The following RTEL1 variants were observed in gnomAD, a reference collection of about 807,000 sequenced individuals.
The protein encoded by RTEL1 is regulator of telomere length.
In RTEL1, 86 loss-of-function variants were observed where a neutral mutation model predicts 162.2. That is an observed-to-expected ratio of 0.53 (90% confidence interval 0.45 to 0.63). RTEL1 has a LOEUF of 0.63. RTEL1 is among the 30% of genes least tolerant of loss of function. The pLI, the probability that RTEL1 is intolerant of heterozygous loss-of-function variation, is 0.00. For synonymous variants in RTEL1, 958 were observed against 717.9 expected (o/e 1.33, Z -5.35); for missense variants, 1,941 against 1,750.2 (o/e 1.11, Z -1.95).
At chr20:63,693,534 A>ACCTCCACCTCCACCT (rs1568720666) in intron 30 of RTEL1, among the ~76,000 whole-genome samples, 1 of 10,164 alleles carries the variant, frequency 9.8e-5, no homozygotes, top group Admixed American at 1.1e-3. Context: ...CACCTCCACC[A>ACCTCCACCTCCACCT]CCACCACCAC....
Position 63,672,605 on chromosome 20 carries a change from A to G in RTEL1, c.749A>G (p.Asp250Gly). 1.3e-6 allele frequency: 2 copies of G among 1,585,028 alleles called. No homozygotes were observed. The highest frequency in any genetic ancestry group is 1.7e-6 in the Non-Finnish European group (2 of 1,163,350). Residue 250 changes from aspartate (D) to glycine (G), a missense_variant, in exon 9 of 35, where the codon GAC becomes GGC. By Grantham distance (94) the Asp-to-Gly change is moderately conservative. Coordinates refer to ENST00000360203, the MANE Select transcript of RTEL1 (RefSeq NM_001283009.2). The stretch of plus-strand genomic sequence containing the variant: ...CTGAAGGGGACAGTCGTGATCTTTG[A>G]CGAAGCTCACAACGTGGTGAGTCTC... ...IDLKGTVVIF[D>G]EAHNVEKMCE...
intron 30 of RTEL1, among the ~76,000 whole-genome samples, chr20:63,693,985 C>T (rs75657018): frequency 1.2e-3 from 188 of 151,772 alleles, no homozygotes; most frequent in African/African-American, 4.4e-3. Flanking sequence ...GTCCAAGTCT[C>T]CAGAGGCGGA....
intron 8 of RTEL1, among the ~76,000 whole-genome samples, chr20:63,670,634 C>T (rs116738844): frequency 0.01 from 1,572 of 152,224 alleles, 19 homozygotes; most frequent in African/African-American, 0.036. Context: ...AGTTGTGTAG[C>T]CACTCCACAA....
At chr20:63,674,286 G>C (rs867416467) in intron 10 of RTEL1, among the ~76,000 whole-genome samples, 193 bp downstream of exon 10, 1 of 152,218 alleles carries the variant, frequency 6.6e-6, no homozygotes, top group Admixed American at 6.5e-5. Context: ...ATCTATTCAG[G>C]CTGGCACTGC....
intron 14 of RTEL1, among the ~76,000 whole-genome samples, chr20:63,684,212 C>T (rs1221844900): frequency 6.6e-6 from 1 of 152,166 alleles, no homozygotes; most frequent in Non-Finnish European, 1.5e-5. Context: ...CTTGATTTTT[C>T]CCAGCACGCC....
rs200599544 is a variant in RTEL1, at chr20:63,688,389, G to A, written c.1722+3G>A. 8.3e-5 allele frequency: 134 copies of A among 1,612,522 alleles called. No individual in the cohort carries two copies. In the East Asian group the frequency reaches 2.7e-3, roughly 33 times the overall value. ...AGAAGAGCCTGGAGTTCTGGCGGGTGCGTCTCCCCTGTGTTCTGGGCGGGG... is the reference window on the plus strand; with the variant it reads ...AGAAGAGCCTGGAGTTCTGGCGGGTACGTCTCCCCTGTGTTCTGGGCGGGG... On this transcript the variant is annotated splice_donor_region_variant and intron_variant, in intron 20 of 34. Transcript: ENST00000360203.
Position 63,684,545 on chromosome 20 carries a change from A to G in RTEL1, c.1192-978A>G, listed in dbSNP as rs544953026. Reference sequence around the variant, plus strand: ...ATTTTTTGTATTTTTAGTAGAGACGAGGTTTCACCGTGTTAGCCAGGATGG... The same window carrying G: ...ATTTTTTGTATTTTTAGTAGAGACGGGGTTTCACCGTGTTAGCCAGGATGG... On this transcript the variant is annotated intron_variant, in intron 14 of 34. Coordinates refer to ENST00000360203, the MANE Select transcript of RTEL1 (RefSeq NM_001283009.2). Among the ~76,000 whole-genome samples, 240 of 152,000 alleles carry G rather than the reference A, an allele frequency of 1.6e-3. 1 individual carries two copies. The highest frequency in any genetic ancestry group is 0.014 in the Middle Eastern group (4 of 294).
At chr20:63,689,029 C>A in intron 21 of RTEL1, 26 bp from the exon 22 acceptor site, 1 of 1,601,108 alleles carries the variant, frequency 6.2e-7, no homozygotes. Flanking sequence ...GGGCTCCAGG[C>A]TCAGCCTCAC....
Position 63,695,393 on chromosome 20 carries a change from C to G in RTEL1, c.3565C>G (p.Pro1189Ala). ...SKISSFLRQRPAGTVGAGGED... is the reference protein window; with the variant it reads ...SKISSFLRQRAAGTVGAGGED... ...GATCTCGTCCTTCCTTAGACAGAGG[C>G]CAGCAGGGACTGTGGGGGCGGGCGG... The change falls in exon 34 of 35, where the codon CCA (proline) becomes GCA (alanine). Residue 1189 changes from proline (P) to alanine (A), a missense_variant. By Grantham distance (27) the Pro-to-Ala change is conservative (BLOSUM62 -1). Transcript: ENST00000360203. 6.4e-7 allele frequency: 1 copy of G among 1,556,762 alleles called. No homozygotes were observed. The highest frequency in any genetic ancestry group is 8.7e-7 in the Non-Finnish European group (1 of 1,150,792).
rs183461089 is a variant in RTEL1 at position 63,690,967 on chromosome 20, G to A, written c.2556+20G>A. 97 of 1,543,088 alleles carry A rather than the reference G, an allele frequency of 6.3e-5. No individual in the cohort carries two copies. The African/African-American group carries it at 7.1e-4, about 11-fold the overall frequency. ...GAGCAGGTACAGTTCCAGGGCCTTG[G>A]GATGGACACAGACCCTCTGTCTCCT... is the stretch of plus-strand genomic sequence containing the variant. On this transcript the variant is annotated intron_variant, in intron 27 of 34. Coordinates refer to ENST00000360203, the MANE Select transcript of RTEL1 (RefSeq NM_001283009.2).
rs776497728 is a variant in RTEL1, at chr20:63,689,879, G to A, written c.2141+14G>A. The A allele has an allele frequency of 6.3e-6, 10 of 1,597,954 alleles. No homozygotes were observed. The highest frequency in any genetic ancestry group is 1.7e-5 in the Admixed American group (1 of 59,772). ...CTGTGACCACAGGTGCGTGCAGTCC[G>A]GTGGCAGGCGCGGCGCCAGGGGACA... On this transcript the variant is annotated intron_variant, in intron 24 of 34. Coordinates refer to ENST00000360203, the MANE Select transcript of RTEL1 (RefSeq NM_001283009.2).
chr20:63,689,977 C>T, intron 24 of RTEL1, 110 bp from the exon 25 acceptor site: 1 of 1,554,128 alleles, frequency 6.4e-7, no homozygotes, highest in Non-Finnish European at 8.7e-7. Context: ...GCCTCTCCGG[C>T]TACTCGGGGT....
chr20:63,668,017 C>G lies in RTEL1; in HGVS notation c.699+464C>G, dbSNP rs761004341. Among the ~76,000 whole-genome samples, 28 of 150,980 alleles carry G rather than the reference C, an allele frequency of 1.9e-4. No homozygotes were observed. Among genetic ancestry groups the G allele is most frequent in the Non-Finnish European group, 3.4e-4 (23 of 67,696 alleles). On this transcript the variant is annotated intron_variant, in intron 8 of 34. Coordinates refer to ENST00000360203, the MANE Select transcript of RTEL1 (RefSeq NM_001283009.2). The surrounding 1 kb of genome is among the most constrained non-coding windows in gnomAD (Gnocchi z 4.3). The stretch of plus-strand genomic sequence containing the variant: ...CATGCCCGGCCCCACACTCACTCCC[C>G]CCACAGCATGTGCCCGGCCTGACAC...
chr20:63,689,810 G>T lies in RTEL1; in HGVS notation c.2086G>T (p.Gly696Trp). The T allele has an allele frequency of 6.2e-7, 1 of 1,612,054 alleles. No individual in the cohort carries two copies. Among genetic ancestry groups the T allele is most frequent in the Admixed American group, 1.7e-5 (1 of 60,010 alleles). ...GTCCAGGGCTGTGAACCAGGCCATCGGGCGAGTGATCCGGCACCGCCAGGA... is the reference window on the plus strand; with the variant it reads ...GTCCAGGGCTGTGAACCAGGCCATCTGGCGAGTGATCCGGCACCGCCAGGA... Reference protein sequence around the residue: ...QASRAVNQAIGRVIRHRQDYG... With the variant: ...QASRAVNQAIWRVIRHRQDYG... Residue 696 changes from glycine to tryptophan, a missense_variant, in exon 24 of 35, where the codon GGG becomes TGG. Physicochemically the swap from Gly to Trp is radical, Grantham distance 184. Transcript: ENST00000360203.
chr20:63,695,520 C>T lies in RTEL1; in HGVS notation c.3692C>T (p.Thr1231Met), dbSNP rs144477693. The T allele has an allele frequency of 1.0e-3, 1,621 of 1,612,090 alleles. 13 individuals are homozygous for T. In the African/African-American group the frequency reaches 0.018, roughly 18 times the overall value. Residue 1231 changes from threonine to methionine, a missense_variant, in exon 34 of 35, where the codon ACG becomes ATG. By Grantham distance (81) the Thr-to-Met change is moderately conservative. Coordinates refer to ENST00000360203, the MANE Select transcript of RTEL1 (RefSeq NM_001283009.2). ...AGAGACATCGCTGGGCAGCAGGCCA[C>T]GGGAGCTCCGGGCGGGCCCCTCTCA... ...HGRDIAGQQA[T>M]GAPGGPLSAG...
chr20:63,676,565 G>A (rs1439060569), intron 10 of RTEL1, among the ~76,000 whole-genome samples: 1 of 152,168 alleles, frequency 6.6e-6, no homozygotes, highest in Non-Finnish European at 1.5e-5. Flanking sequence ...TAGTCAGTTA[G>A]CAGGAATAAC....
chr20:63,675,216 T>C (rs1339800502), intron 10 of RTEL1, among the ~76,000 whole-genome samples: 1 of 152,230 alleles, frequency 6.6e-6, no homozygotes, highest in Non-Finnish European at 1.5e-5. Flanking sequence ...TTGTCCATAT[T>C]TTCTACATGG....
At chr20:63,678,029 C>G in intron 10 of RTEL1, 116 bp from the exon 11 acceptor site, 1 of 1,181,912 alleles carries the variant, frequency 8.5e-7, no homozygotes, top group East Asian at 2.5e-5. Flanking sequence ...TTCTGTGTGG[C>G]CTCTTCCTTT....
intron 12 of RTEL1, 83 bp from the exon 13 acceptor site, chr20:63,679,766 G>C (rs1046573614): frequency 1.9e-6 from 2 of 1,067,022 alleles, no homozygotes; most frequent in African/African-American, 1.6e-5. Context: ...CCTCAGGCCC[G>C]AGCCTGCCTT....
Sources: allele counts gnomAD v4.1 joint callset (sites outside exome capture counted in the v4.1 genomes callset), GRCh38; gene constraint gnomAD v4.1.1; non-coding constraint Gnocchi (gnomAD v3.1); transcripts MANE v1.5; gene names NCBI Gene and HGNC (gene_info 2026-07-23, HGNC 2026-07-21).